Variants in LPP observed in about 807,000 individuals in gnomAD.
The protein encoded by LPP is lipoma-preferred partner.
In LPP, 38 loss-of-function variants were observed where a neutral mutation model predicts 60.4. The ratio of observed to expected loss-of-function variants is 0.63; its 90% CI spans 0.49 to 0.83. LPP has a LOEUF of 0.83. Ranked by LOEUF, LPP falls within the 40% of genes least tolerant of loss-of-function variation. The probability of loss-of-function intolerance (pLI) is 0.00; values close to 1 mark genes in which losing one functional copy is unlikely to be tolerated. For synonymous variants in LPP, 328 were observed against 290.8 expected, an observed-to-expected ratio of 1.13 and a Z score of -1.30; for missense variants, 902 against 783.6, an observed-to-expected ratio of 1.15 and a Z score of -1.80.
At chr3:188,170,329 C>CTTTTTTTTTT (rs34760455) in intron 1 of LPP, among the ~76,000 whole-genome samples, 24 of 96,406 alleles carry the variant, frequency 2.5e-4, no homozygotes, top group Non-Finnish European at 3.5e-4. Flanking sequence ...CTTTTCTTTT[C>CTTTTTTTTTT]TTTTTTTTTT....
chr3:188,603,023 AAATAAT>A (rs57026715), intron 6 of LPP, among the ~76,000 whole-genome samples: 1,517 of 146,600 alleles, frequency 0.01, 10 homozygotes, highest in African/African-American at 0.025. Flanking sequence ...CTTGTGTTTG[AAATAAT>A]AATAATAATA....
chr3:188,542,131 C>T (rs1490764405), intron 6 of LPP, among the ~76,000 whole-genome samples: 9 of 152,098 alleles, frequency 5.9e-5, no homozygotes, highest in Non-Finnish European at 8.8e-5. Flanking sequence ...ACTAGAATTC[C>T]GAATTCAGTT....
chr3:188,681,360 T>A (rs1454701031), intron 7 of LPP, among the ~76,000 whole-genome samples: 1 of 152,194 alleles, frequency 6.6e-6, no homozygotes, highest in Non-Finnish European at 1.5e-5. Flanking sequence ...CACAGTTCTT[T>A]GCTCACTCTG....
intron 3 of LPP, among the ~76,000 whole-genome samples, chr3:188,358,764 C>T (rs958876254): frequency 6.6e-6 from 1 of 152,114 alleles, no homozygotes; most frequent in Non-Finnish European, 1.5e-5. Flanking sequence ...TGCAAGCGTT[C>T]CAAAAGCATA....
At chr3:188,282,623 A>G (rs1742491633) in intron 2 of LPP, among the ~76,000 whole-genome samples, 1 of 152,080 alleles carries the variant, frequency 6.6e-6, no homozygotes, top group Admixed American at 6.6e-5. Flanking sequence ...TCATGATTTC[A>G]GGCAACCTTT....
At chr3:188,577,481 C>A (rs1834884552) in intron 6 of LPP, among the ~76,000 whole-genome samples, 1 of 151,708 alleles carries the variant, frequency 6.6e-6, no homozygotes, top group Non-Finnish European at 1.5e-5. Context: ...TTCTATACTT[C>A]TCTACTTATC....
At position 188,302,674 on chromosome 3, in the gene LPP, A is replaced by G. The variant is rs538034086; in HGVS notation, c.-66-38989A>G. ...AAGATGCACCTTATGAAGCAAACAA[A>G]CCAATGAAATGCAGTAACTCCCTTC... On this transcript the variant is annotated intron_variant, in intron 2 of 11. Transcript: ENST00000617246. Among the ~76,000 whole-genome samples the G allele has an allele frequency of 2.2e-4, 34 of 152,312 alleles. No individual in the cohort carries two copies. The East Asian group carries it at 4.6e-3, about 21-fold the overall frequency.
intron 4 of LPP, among the ~76,000 whole-genome samples, chr3:188,428,540 C>T (rs1472768760): frequency 6.6e-6 from 1 of 151,646 alleles, no homozygotes; most frequent in Non-Finnish European, 1.5e-5. Flanking sequence ...TCTTGGGTCT[C>T]ACCCTCAAGT....
At chr3:188,161,001 A>G (rs944338320) in intron 1 of LPP, among the ~76,000 whole-genome samples, 1 of 152,208 alleles carries the variant, frequency 6.6e-6, no homozygotes, top group African/African-American at 2.4e-5. Context: ...CTTTCTAGCC[A>G]TAGGGACCTT....
intron 9 of LPP, among the ~76,000 whole-genome samples, chr3:188,805,945 G>A (rs1166116720): frequency 4.0e-5 from 6 of 151,618 alleles, no homozygotes; most frequent in East Asian, 3.9e-4. Flanking sequence ...AACATGTTTT[G>A]TGTAACTTAA....
At chr3:188,464,624 G>T (rs116327155) in intron 4 of LPP, among the ~76,000 whole-genome samples, 2 of 152,096 alleles carry the variant, frequency 1.3e-5, no homozygotes, top group African/African-American at 4.8e-5. Context: ...CAGATATCAC[G>T]TTTTAAAGTG....
chr3:188,170,142 A>C (rs1721126905), intron 1 of LPP, among the ~76,000 whole-genome samples: 1 of 152,176 alleles, frequency 6.6e-6, no homozygotes, highest in Admixed American at 6.5e-5. Flanking sequence ...GGTAAGAGGC[A>C]ATGAATTTTT....
At chr3:188,636,561 A>G (rs1257603419) in intron 7 of LPP, among the ~76,000 whole-genome samples, 1 of 152,188 alleles carries the variant, frequency 6.6e-6, no homozygotes, top group African/African-American at 2.4e-5. Context: ...ACCACAGCTC[A>G]AGGAAGCCTG....
At chr3:188,589,113 T>G (rs1685505657) in intron 6 of LPP, among the ~76,000 whole-genome samples, 1 of 151,712 alleles carries the variant, frequency 6.6e-6, no homozygotes, top group African/African-American at 2.4e-5. Context: ...GGGGAGAGGG[T>G]GTTTTTTTAT....
intron 2 of LPP, among the ~76,000 whole-genome samples, chr3:188,333,923 A>G (rs1760839290): frequency 6.6e-6 from 1 of 152,142 alleles, no homozygotes; most frequent in South Asian, 2.1e-4. Flanking sequence ...TATACAATAA[A>G]TTGTTGGTAA....
chr3:188,613,521 A>C (rs559102676), intron 7 of LPP, among the ~76,000 whole-genome samples: 1 of 152,088 alleles, frequency 6.6e-6, no homozygotes, highest in South Asian at 2.1e-4. Flanking sequence ...AATGTGTAGA[A>C]GTGCTGGGGC....
intron 2 of LPP, among the ~76,000 whole-genome samples, chr3:188,236,914 T>C (rs1231563922): frequency 6.6e-6 from 1 of 152,180 alleles, no homozygotes; most frequent in Non-Finnish European, 1.5e-5. Flanking sequence ...ATTGATTGAC[T>C]CTGCAGAGAA....
chr3:188,548,952 C>T (rs1377955585), intron 6 of LPP, among the ~76,000 whole-genome samples: 1 of 152,032 alleles, frequency 6.6e-6, no homozygotes, highest in African/African-American at 2.4e-5. Context: ...TGTTCTATAC[C>T]ACGTGGGATA....
intron 6 of LPP, among the ~76,000 whole-genome samples, chr3:188,574,846 A>G (rs1026782158): frequency 6.6e-6 from 1 of 152,016 alleles, no homozygotes; most frequent in Non-Finnish European, 1.5e-5. Flanking sequence ...TCCTCCTGAA[A>G]TTTACACATT....
Sources: allele counts gnomAD v4.1 joint callset (sites outside exome capture counted in the v4.1 genomes callset), GRCh38; gene constraint gnomAD v4.1.1; transcripts MANE v1.5; gene names NCBI Gene and HGNC (gene_info 2026-07-23, HGNC 2026-07-21).